The following RYR3 variants were observed in gnomAD, a reference collection of about 807,000 sequenced individuals.
RYR3 encodes the protein ryanodine receptor 3.
Under a neutral mutation model 584.3 loss-of-function variants are expected in RYR3, and 207 were observed. The observed-to-expected ratio is 0.35, with a 90% confidence interval of 0.32 to 0.40. The LOEUF (loss-of-function observed/expected upper bound fraction) is 0.40, where lower values mean the gene tolerates loss of function less well. RYR3 is among the 10% of genes least tolerant of loss of function. The pLI, the probability that RYR3 is intolerant of heterozygous loss-of-function variation, is 1.00. For missense variants in RYR3, 5,616 were observed against 6,089.2 expected, an observed-to-expected ratio of 0.92 and a Z score of 2.59; for synonymous variants, 2,416 against 2,248.5, an observed-to-expected ratio of 1.07 and a Z score of -2.11.
rs182689447 is a variant in RYR3 at position 33,715,573 on chromosome 15, A to G, written c.6620-7142A>G. Among the ~76,000 whole-genome samples, 834 of 152,312 alleles carry G rather than the reference A, an allele frequency of 5.5e-3. 6 individuals are homozygous for G. Among genetic ancestry groups the G allele is most frequent in the African/African-American group, 0.019 (798 of 41,570 alleles). ...AACTGTAAGGTATCTTAGTCCATTT[A>G]TACTGCAGCAACAAAATACCTGAGA... is the stretch of plus-strand genomic sequence containing the variant. On this transcript the variant is annotated intron_variant, in intron 43 of 103. Transcript: ENST00000634891.
intron 16 of RYR3, among the ~76,000 whole-genome samples, chr15:33,597,831 C>CAA (rs34933584): frequency 5.3e-5 from 8 of 150,906 alleles, no homozygotes; most frequent in South Asian, 2.1e-4. Flanking sequence ...TCTGTACACA[C>CAA]AAAAAAATAC....
At chr15:33,842,794 T>A (rs551615721) in intron 91 of RYR3, among the ~76,000 whole-genome samples, 2 of 152,280 alleles carry the variant, frequency 1.3e-5, no homozygotes, top group Admixed American at 1.3e-4. Flanking sequence ...CCTAGACCAC[T>A]TACAGTTTCC....
intron 23 of RYR3, 99 bp from the exon 24 acceptor site, chr15:33,632,850 A>T: frequency 9.8e-7 from 1 of 1,017,272 alleles, no homozygotes; most frequent in Non-Finnish European, 1.5e-6. Context: ...CTGTAGCCTT[A>T]TTTGCGTAGC....
intron 57 of RYR3, among the ~76,000 whole-genome samples, chr15:33,750,728 A>T (rs907783642): frequency 6.6e-6 from 1 of 152,002 alleles, no homozygotes; most frequent in Admixed American, 6.6e-5. Flanking sequence ...TACCCTAGAT[A>T]TTTTTTTATT....
At chr15:33,757,766 A>G in intron 60 of RYR3, 170 bp downstream of exon 60, 1 of 702,600 alleles carries the variant, frequency 1.4e-6, no homozygotes, top group South Asian at 1.9e-5. Context: ...GAATTATTTC[A>G]GCAACCAATT....
intron 1 of RYR3, among the ~76,000 whole-genome samples, chr15:33,330,276 A>G (rs1249844424): frequency 2.6e-5 from 4 of 152,118 alleles, no homozygotes; most frequent in African/African-American, 7.2e-5. Flanking sequence ...TTCCTTCTTC[A>G]TGTCTTCTGT....
At chr15:33,686,723 C>A (rs2065036264) in intron 38 of RYR3, among the ~76,000 whole-genome samples, 1 of 151,766 alleles carries the variant, frequency 6.6e-6, no homozygotes, top group Non-Finnish European at 1.5e-5. Context: ...AAAAGCTTAT[C>A]CAATCAAGTT....
rs189038388 is a variant in RYR3, at chr15:33,404,382, C to T, written c.52-69037C>T. On this transcript the variant is annotated intron_variant, in intron 1 of 103. Coordinates refer to ENST00000634891, the MANE Select transcript of RYR3 (RefSeq NM_001036.6). ...GCTTCAGAGCTGTTAAGTAACTTGG[C>T]CAACGTCACACAGACTGGGGTGGCT... Among the ~76,000 whole-genome samples the T allele has an allele frequency of 4.9e-3, 739 of 152,296 alleles. 3 individuals are homozygous for T. Among genetic ancestry groups the T allele is most frequent in the Non-Finnish European group, 7.3e-3 (494 of 68,018 alleles).
intron 17 of RYR3, 72 bp from the exon 18 acceptor site, chr15:33,603,051 T>C: frequency 2.6e-6 from 4 of 1,553,640 alleles, no homozygotes; most frequent in Non-Finnish European, 3.5e-6. Context: ...CGTTGCCTCC[T>C]ATGGTCTGGT....
chr15:33,508,800 G>A (rs1024384450), intron 3 of RYR3, among the ~76,000 whole-genome samples: 5 of 152,162 alleles, frequency 3.3e-5, no homozygotes. Flanking sequence ...AACTCTGAAA[G>A]GAGCTTTTGG....
At chr15:33,333,126 A>G (rs550812863) in intron 1 of RYR3, among the ~76,000 whole-genome samples, 1 of 150,260 alleles carries the variant, frequency 6.7e-6, no homozygotes, top group Non-Finnish European at 1.5e-5. Flanking sequence ...GAATTCTGCC[A>G]GATGTACAAA....
chr15:33,863,234 T>G (rs1341289287), intron 102 of RYR3, among the ~76,000 whole-genome samples: 1 of 152,196 alleles, frequency 6.6e-6, no homozygotes, highest in Non-Finnish European at 1.5e-5. Context: ...ATAAATGTGC[T>G]GGGCAAGGAA....
At chr15:33,451,205 G>A (rs2047094693) in intron 1 of RYR3, among the ~76,000 whole-genome samples, 1 of 152,148 alleles carries the variant, frequency 6.6e-6, no homozygotes. Flanking sequence ...TACATAACAG[G>A]CACTCCATAA....
chr15:33,857,368 C>G (rs1264692562), intron 98 of RYR3, among the ~76,000 whole-genome samples: 2 of 151,916 alleles, frequency 1.3e-5, no homozygotes, highest in African/African-American at 4.8e-5. Flanking sequence ...CTCTGTGTCT[C>G]CAACTCCTTT....
At chr15:33,455,130 G>A (rs962106797) in intron 1 of RYR3, among the ~76,000 whole-genome samples, 3 of 152,188 alleles carry the variant, frequency 2.0e-5, no homozygotes, top group Non-Finnish European at 4.4e-5. Flanking sequence ...GTAACACAGA[G>A]CAGCTGTGGA....
chr15:33,637,388 C>T (rs559907318), intron 27 of RYR3, among the ~76,000 whole-genome samples: 1 of 152,354 alleles, frequency 6.6e-6, no homozygotes, highest in East Asian at 1.9e-4. Flanking sequence ...TTAACACCTG[C>T]TGTGTGAATG....
intron 85 of RYR3, 112 bp from the exon 86 acceptor site, chr15:33,830,851 A>G: frequency 1.8e-6 from 2 of 1,109,434 alleles, no homozygotes; most frequent in Non-Finnish European, 2.5e-6. Flanking sequence ...GGCTCCTGTC[A>G]GAGCAAAGAG....
At chr15:33,825,717 TA>T in intron 82 of RYR3, 41 bp downstream of exon 82, 2 of 1,007,228 alleles carry the variant, frequency 2.0e-6, no homozygotes, top group Non-Finnish European at 2.9e-6. Flanking sequence ...TCTTCCTGAT[TA>T]AAATCTTTTT....
Position 33,633,047 on chromosome 15 carries a change from A to G in RYR3, c.2966A>G (p.Asn989Ser). ...ATTTTAGTGGATAAGCTTGCAGAAA[A>G]TGCACACAATGTTTGGGCAAAAGAC... ...QEILVDKLAE[N>S]AHNVWAKDRI... is the part of the protein sequence containing the mutation. Residue 989 changes from asparagine to serine, a missense_variant, in exon 24 of 104, where the codon AAT (asparagine) becomes AGT (serine). Coordinates refer to ENST00000634891, the MANE Select transcript of RYR3 (RefSeq NM_001036.6). The G allele has an allele frequency of 1.2e-6, 2 of 1,614,060 alleles. No homozygotes were observed. The highest frequency in any genetic ancestry group is 1.7e-6 in the Non-Finnish European group (2 of 1,179,892).
Sources: allele counts gnomAD v4.1 joint callset (sites outside exome capture counted in the v4.1 genomes callset), GRCh38; gene constraint gnomAD v4.1.1; transcripts MANE v1.5; gene names NCBI Gene and HGNC (gene_info 2026-07-23, HGNC 2026-07-21).